Variants in CHN2 observed in about 807,000 individuals in gnomAD.
CHN2 encodes chimerin 2, also known as beta-chimaerin.
In CHN2, 35 loss-of-function variants were observed where a neutral mutation model predicts 56.3. The ratio of observed to expected loss-of-function variants is 0.62; its 90% CI spans 0.47 to 0.82. The LOEUF (loss-of-function observed/expected upper bound fraction) is 0.82, where lower values mean the gene tolerates loss of function less well. Among genes scored for constraint, CHN2 ranks in the 40% least tolerant of loss-of-function variants. The pLI is 0.00. For synonymous variants in CHN2, 210 were observed against 212.8 expected, an observed-to-expected ratio of 0.99 and a Z score of 0.12; for missense variants, 491 against 580.5, an observed-to-expected ratio of 0.85 and a Z score of 1.58.
At chr7:29,401,129 G>T (rs1802171184) in intron 6 of CHN2, 1 of 307,584 alleles carries the variant, frequency 3.3e-6, no homozygotes, top group Non-Finnish European at 6.1e-6. Context: ...TCAGCCGGGT[G>T]TGGTGGTGGG....
At chr7:29,290,829 A>C (rs181559947) in intron 1 of CHN2, among the ~76,000 whole-genome samples, 1 of 152,306 alleles carries the variant, frequency 6.6e-6, no homozygotes, top group East Asian at 1.9e-4. Flanking sequence ...TGAGAGACCA[A>C]TGCAAGTTTT....
At chr7:29,273,353 A>ATATATATATATATATG (rs1790862524) in intron 1 of CHN2, among the ~76,000 whole-genome samples, 1 of 63,372 alleles carries the variant, frequency 1.6e-5, no homozygotes, top group African/African-American at 7.6e-5. Flanking sequence ...GTATATATAT[A>ATATATATATATATATG]TATATATATA....
chr7:29,172,277 G>A (rs193237721), intron 2 of CHN2, among the ~76,000 whole-genome samples: 3 of 152,256 alleles, frequency 2.0e-5, no homozygotes, highest in African/African-American at 7.2e-5. Flanking sequence ...GTTGCTGTGG[G>A]CATCACAGCT....
intron 1 of CHN2, among the ~76,000 whole-genome samples, chr7:29,215,490 A>G (rs895599007): frequency 3.3e-5 from 5 of 152,154 alleles, no homozygotes; most frequent in Non-Finnish European, 7.3e-5. Flanking sequence ...TAACTCCTTA[A>G]TGCCAGGAAA....
At chr7:29,496,367 G>A (rs754845228) in intron 8 of CHN2, among the ~76,000 whole-genome samples, 1 of 151,876 alleles carries the variant, frequency 6.6e-6, no homozygotes, top group Non-Finnish European at 1.5e-5. Flanking sequence ...GCCATACTTT[G>A]TCCTACCCCA....
chr7:29,444,718 C>T (rs1562612403), intron 6 of CHN2, among the ~76,000 whole-genome samples: 2 of 152,220 alleles, frequency 1.3e-5, no homozygotes, highest in Non-Finnish European at 2.9e-5. Context: ...TAGATTCCAC[C>T]TCTCAATGGG....
chr7:29,470,990 G>A (rs1785980688), intron 6 of CHN2, among the ~76,000 whole-genome samples: 1 of 152,234 alleles, frequency 6.6e-6, no homozygotes, highest in South Asian at 2.1e-4. Flanking sequence ...AAGGAAGATA[G>A]TAGCTGGGAA....
intron 1 of CHN2, among the ~76,000 whole-genome samples, chr7:29,270,819 G>A (rs570587179): frequency 6.6e-6 from 1 of 151,754 alleles, no homozygotes; most frequent in South Asian, 2.1e-4. Context: ...AGAGAGAGCA[G>A]GGGAAGGCGG....
At position 29,447,344 on chromosome 7, in the gene CHN2, G is replaced by C. The variant is rs984367875; in HGVS notation, c.577-32935G>C. Among the ~76,000 whole-genome samples, 38 of 152,164 alleles carry C rather than the reference G, an allele frequency of 2.5e-4. 1 individual carries two copies. Among genetic ancestry groups the C allele is most frequent in the Non-Finnish European group, 4.0e-4 (27 of 68,040 alleles). On this transcript the variant is annotated intron_variant, in intron 6 of 12. Coordinates refer to ENST00000222792, the MANE Select transcript of CHN2 (RefSeq NM_004067.4). ...AGTACACTGCATGTGACTCACAGCA[G>C]ACTAGAAATTGCAGAAGAAAAGATT...
intron 2 of CHN2, among the ~76,000 whole-genome samples, chr7:29,176,735 A>G (rs1350503617): frequency 6.6e-6 from 1 of 152,190 alleles, no homozygotes; most frequent in Non-Finnish European, 1.5e-5. Flanking sequence ...ACAGTATAAA[A>G]CAACAAATAA....
intron 12 of CHN2, 53 bp downstream of exon 12, chr7:29,509,459 C>T (rs1583451774): frequency 7.0e-7 from 1 of 1,419,992 alleles, no homozygotes; most frequent in East Asian, 2.3e-5. Context: ...GCGGTTAATG[C>T]ATGAGGAAAA....
At chr7:29,279,081 G>A (rs34432642) in intron 1 of CHN2, among the ~76,000 whole-genome samples, 29,721 of 151,858 alleles carry the variant, frequency 0.2, 2,991 homozygotes, top group African/African-American at 0.22. Context: ...TAGCTTGAGC[G>A]GCAGCATCGT....
intron 2 of CHN2, among the ~76,000 whole-genome samples, chr7:29,164,338 GTTGT>G (rs1795610170): frequency 6.6e-6 from 1 of 151,898 alleles, no homozygotes; most frequent in Non-Finnish European, 1.5e-5. Flanking sequence ...TTTTAATTAG[GTTGT>G]TTCTCTTCTT....
intron 6 of CHN2, among the ~76,000 whole-genome samples, chr7:29,465,930 G>T (rs113311291): frequency 6.6e-6 from 1 of 152,196 alleles, no homozygotes; most frequent in Non-Finnish European, 1.5e-5. Context: ...CAGGCCGAGC[G>T]CAGTGGCTCA....
At chr7:29,210,153 C>T (rs1180678837) in intron 1 of CHN2, among the ~76,000 whole-genome samples, 1 of 152,098 alleles carries the variant, frequency 6.6e-6, no homozygotes, top group Non-Finnish European at 1.5e-5. Context: ...CCTTGGTGGT[C>T]CCCCAAGGGA....
At chr7:29,339,113 GTT>G (rs1275570261) in intron 1 of CHN2, among the ~76,000 whole-genome samples, 1 of 152,166 alleles carries the variant, frequency 6.6e-6, no homozygotes, top group African/African-American at 2.4e-5. Context: ...TTGAAATGAT[GTT>G]AATCAGGGAT....
chr7:29,175,084 G>T (rs1483059872), intron 2 of CHN2, among the ~76,000 whole-genome samples: 1 of 152,100 alleles, frequency 6.6e-6, no homozygotes, highest in Admixed American at 6.5e-5. Flanking sequence ...CAGGGACCCA[G>T]TGGGAGATGA....
chr7:29,424,974 C>A (rs903547382), intron 6 of CHN2, among the ~76,000 whole-genome samples: 4 of 152,232 alleles, frequency 2.6e-5, no homozygotes, highest in Non-Finnish European at 5.9e-5. Flanking sequence ...ATTTACCTGA[C>A]CAAGCTTTGG....
chr7:29,425,975 C>T (rs574174569), intron 6 of CHN2, among the ~76,000 whole-genome samples: 1 of 151,810 alleles, frequency 6.6e-6, no homozygotes, highest in Admixed American at 6.6e-5. Flanking sequence ...CTTTGGGAGG[C>T]CAAGGCGGAT....
Sources: gnomAD v4.1 joint callset for allele counts (sites outside exome capture counted in the v4.1 genomes callset) on GRCh38, gnomAD v4.1.1 for gene constraint, MANE v1.5 for transcripts, NCBI Gene and HGNC (gene_info 2026-07-23, HGNC 2026-07-21) for gene names.